The following SPNS2 variants were observed in gnomAD, a reference collection of about 807,000 sequenced individuals.
The protein encoded by SPNS2 is sphingosine-1-phosphate transporter SPNS2.
In SPNS2, 37 loss-of-function variants were observed where a neutral mutation model predicts 57.6. The observed-to-expected ratio is 0.64, with a 90% CI of 0.49 to 0.85. The LOEUF (loss-of-function observed/expected upper bound fraction) is 0.85, where lower values mean the gene tolerates loss of function less well. Ranked by LOEUF, SPNS2 falls within the 40% of genes least tolerant of loss-of-function variation. SPNS2 has a pLI of 0.00. For synonymous variants in SPNS2, 440 were observed against 346.9 expected (o/e 1.27, Z -2.98); for missense variants, 831 against 779.1 (o/e 1.07, Z -0.79).
In SPNS2 at chr17:4,530,727, C is replaced by T; in HGVS notation, c.669C>T (p.Thr223=). 6.2e-7 allele frequency: 1 copy of T among 1,614,084 alleles called. No homozygotes were observed. The highest frequency in any genetic ancestry group is 2.2e-5 in the East Asian group (1 of 44,888). ...IAPTIIGDLF[T]KNTRTLMLSV... ...CCACTATCATTGGCGACCTCTTCACCAAGAACACGCGTACGCTCATGCTGT... is the reference window on the plus strand; with the variant it reads ...CCACTATCATTGGCGACCTCTTCACTAAGAACACGCGTACGCTCATGCTGT... Residue 223 remains threonine (T), a synonymous_variant, in exon 4 of 13, where the codon ACC becomes ACT. Coordinates refer to ENST00000329078, the MANE Select transcript of SPNS2 (RefSeq NM_001124758.3).
intron 3 of SPNS2, among the ~76,000 whole-genome samples, chr17:4,525,817 G>A (rs1350239380): frequency 6.6e-6 from 1 of 152,206 alleles, no homozygotes; most frequent in Non-Finnish European, 1.5e-5. Flanking sequence ...CCCTTGAGAA[G>A]TAGCTGAGCT....
At position 4,512,925 on chromosome 17, in the gene SPNS2, G is replaced by A. The variant is rs144915932; in HGVS notation, c.371-322G>A. On this transcript the variant is annotated intron_variant, in intron 1 of 12. Transcript: ENST00000329078. The surrounding 1 kb of genome is among the most constrained non-coding windows in gnomAD (Gnocchi z 5.2). ...GCCTATGTCTATTGCACTGATCCACGGCCTGGGCCGCAGGTAGGGAAGAGG... is the reference window on the plus strand; with the variant it reads ...GCCTATGTCTATTGCACTGATCCACAGCCTGGGCCGCAGGTAGGGAAGAGG... Among the ~76,000 whole-genome samples, 319 of 152,290 alleles carry A rather than the reference G, an allele frequency of 2.1e-3. No homozygotes were observed. The highest frequency in any genetic ancestry group is 3.5e-3 in the Admixed American group (53 of 15,296).
At position 4,538,003 on chromosome 17, in the gene SPNS2, T is replaced by C. The variant is rs184883269; in HGVS notation, c.*555T>C. On this transcript the variant is annotated 3_prime_UTR_variant, in exon 13 of 13. Coordinates refer to ENST00000329078, the MANE Select transcript of SPNS2 (RefSeq NM_001124758.3). ...AGCTGGGCCTCGGACCTTGGGGATA[T>C]TGGACGCAACCTGGCAAATGAAGCT... 5.7e-6 allele frequency: 2 copies of C among 352,352 alleles called. No individual in the cohort carries two copies. The highest frequency in any genetic ancestry group is 2.1e-5 in the African/African-American group (1 of 46,800). 21.8% of individuals were successfully genotyped at this position (352,352 alleles called of 1,614,324 possible).
At chr17:4,507,052 C>T (rs1019601778) in intron 1 of SPNS2, among the ~76,000 whole-genome samples, 1 of 152,192 alleles carries the variant, frequency 6.6e-6, no homozygotes, top group Non-Finnish European at 1.5e-5. Context: ...CAGGGACTGC[C>T]TTGGCCCAGT....
chr17:4,523,571 CA>C (rs1483152591), intron 2 of SPNS2, among the ~76,000 whole-genome samples: 2 of 152,098 alleles, frequency 1.3e-5, no homozygotes, highest in Non-Finnish European at 1.5e-5. Context: ...AGTTGGAGAC[CA>C]GCCTAGCCAA....
intron 2 of SPNS2, 143 bp downstream of exon 2, chr17:4,513,455 TATTGCCACCTGCCA>T: frequency 1.3e-6 from 1 of 789,556 alleles, no homozygotes; most frequent in Non-Finnish European, 2.0e-6. Context: ...CCAGTCTCAC[TATTGCCACCTGCCA>T]ATGGCACTGC....
Position 4,537,922 on chromosome 17 carries a change from C to T in SPNS2, c.*474C>T, listed in dbSNP as rs555320952. The T allele has an allele frequency of 1.4e-4, 56 of 396,130 alleles. 1 individual carries two copies. Among genetic ancestry groups the T allele is most frequent in the South Asian group, 5.3e-4 (30 of 56,522 alleles). 24.5% of individuals were successfully genotyped at this position (396,130 alleles called of 1,614,324 possible). A position where few individuals can be genotyped will look rare whatever the true frequency, so the allele number is the denominator to read the frequency against. ...AGAGCAGGTGGCCCAGGCCTCAGGG[C>T]GGCAGTCCCGGCTTTGAGGCTCACG... On this transcript the variant is annotated 3_prime_UTR_variant, in exon 13 of 13. Coordinates refer to ENST00000329078, the MANE Select transcript of SPNS2 (RefSeq NM_001124758.3).
In SPNS2 at chr17:4,534,287, G is replaced by T. The variant is rs1342113290; in HGVS notation, c.1344+434G>T. 2.1e-5 allele frequency: 5 copies of T among 233,154 alleles called. No homozygotes were observed. The East Asian group carries it at 4.9e-4, about 23-fold the overall frequency. 14.4% of individuals were successfully genotyped at this position (233,154 alleles called of 1,614,324 possible). A position where few individuals can be genotyped will look rare whatever the true frequency, so the allele number is the denominator to read the frequency against. On this transcript the variant is annotated intron_variant, in intron 9 of 12. Transcript: ENST00000329078. ...GGCTGTCTTCACAGGGCCAACAATG[G>T]GCTCTAGCCCAGCCAGCTGGGGACA...
At chr17:4,532,269 A>C in intron 5 of SPNS2, among the ~76,000 whole-genome samples, 1 of 148,790 alleles carries the variant, frequency 6.7e-6, no homozygotes, top group South Asian at 2.2e-4. Context: ...CCACTCACCC[A>C]CCCCTCCTTC....
chr17:4,536,191 T>C lies in SPNS2; in HGVS notation c.1443+17T>C. The C allele has an allele frequency of 6.2e-7, 1 of 1,608,290 alleles. No homozygotes were observed. Among genetic ancestry groups the C allele is most frequent in the South Asian group, 1.1e-5 (1 of 90,840 alleles). On this transcript the variant is annotated intron_variant, in intron 10 of 12. Transcript: ENST00000329078. Reference sequence around the variant, plus strand: ...ATTGGCTTTGTGAGTAGCCCCGGGGTGGGGCTGGCCAGGGCAGGCTGGGGG... The same window carrying C: ...ATTGGCTTTGTGAGTAGCCCCGGGGCGGGGCTGGCCAGGGCAGGCTGGGGG...
chr17:4,507,370 G>A (rs1484623418), intron 1 of SPNS2, among the ~76,000 whole-genome samples: 5 of 152,232 alleles, frequency 3.3e-5, no homozygotes, highest in African/African-American at 7.2e-5. Flanking sequence ...ATGCCCCATT[G>A]TTCTCAGGTC....
rs1904403414 is a variant in SPNS2, at chr17:4,499,618, C to G, written c.370+201C>G. On this transcript the variant is annotated intron_variant, in intron 1 of 12. Transcript: ENST00000329078. This position sits in a 1 kb window ranked among gnomAD's most constrained non-coding sequence, Gnocchi z 5.2. ...CACGGGTACAATCCAGCTCCCCGCTCATACACACCCGGGGCCAAGGGATAG... is the reference window on the plus strand; with the variant it reads ...CACGGGTACAATCCAGCTCCCCGCTGATACACACCCGGGGCCAAGGGATAG... 1 of 406,014 alleles carries G rather than the reference C, an allele frequency of 2.5e-6. No homozygotes were observed. Among genetic ancestry groups the G allele is most frequent in the Non-Finnish European group, 4.3e-6 (1 of 230,744 alleles). The allele number at this position is 406,014 out of a possible 1,614,324, so 25.2% of individuals were successfully genotyped here.
At chr17:4,533,741 T>C (rs745545632) in intron 8 of SPNS2, 47 bp from the exon 9 acceptor site, 8 of 1,605,520 alleles carry the variant, frequency 5.0e-6, no homozygotes, top group Non-Finnish European at 6.0e-6. Flanking sequence ...CTGTGGTTGC[T>C]GCGGATGGAG....
intron 2 of SPNS2, among the ~76,000 whole-genome samples, chr17:4,521,697 G>A (rs1374540874): frequency 6.6e-6 from 1 of 152,240 alleles, no homozygotes; most frequent in Non-Finnish European, 1.5e-5. Flanking sequence ...TTAGAAACAA[G>A]GTAATAACTA....
chr17:4,531,591 G>C (rs913519651), intron 5 of SPNS2, among the ~76,000 whole-genome samples: 2 of 152,156 alleles, frequency 1.3e-5, no homozygotes, highest in Non-Finnish European at 2.9e-5. Context: ...GGAGGAAACA[G>C]AGATCCCTCG....
chr17:4,522,619 C>T (rs1214156356), intron 2 of SPNS2, among the ~76,000 whole-genome samples: 1 of 152,214 alleles, frequency 6.6e-6, no homozygotes, highest in African/African-American at 2.4e-5. Context: ...TCGCCAGGGT[C>T]TCAGGCCCAC....
Position 4,537,579 on chromosome 17 carries a change from G to A in SPNS2, c.*131G>A, listed in dbSNP as rs1455966727. 1.1e-5 allele frequency: 5 copies of A among 456,772 alleles called. No homozygotes were observed. The Admixed American group carries it at 1.2e-4, about 11-fold the overall frequency. 28.3% of individuals were successfully genotyped at this position (456,772 alleles called of 1,614,324 possible). On this transcript the variant is annotated 3_prime_UTR_variant, in exon 13 of 13. Transcript: ENST00000329078. The stretch of plus-strand genomic sequence containing the variant: ...CACGGCTAGGCACCCACCCTCTCTG[G>A]CCCAGGCCTGCTGAGTGGCCCTGGC...
intron 5 of SPNS2, among the ~76,000 whole-genome samples, chr17:4,531,755 C>G (rs568626910): frequency 2.0e-5 from 3 of 151,914 alleles, no homozygotes; most frequent in African/African-American, 7.3e-5. Context: ...CTCCCAGTCC[C>G]GGGGGCATGG....
At position 4,525,200 on chromosome 17, in the gene SPNS2, C is replaced by T. The variant is rs1175814254; in HGVS notation, c.573+7C>T. ...CTCCTTCATTCCCCAGCAGGTGAGG[C>T]CCGGCTCGGCTTCTCCCCGACCCCT... is the stretch of plus-strand genomic sequence containing the variant. On this transcript the variant is annotated splice_region_variant and intron_variant, in intron 3 of 12. Transcript: ENST00000329078. 1.2e-6 allele frequency: 2 copies of T among 1,613,712 alleles called. No homozygotes were observed. The highest frequency in any genetic ancestry group is 2.2e-5 in the East Asian group (1 of 44,884).
Sources: gnomAD v4.1 joint callset for allele counts (sites outside exome capture counted in the v4.1 genomes callset) on GRCh38, gnomAD v4.1.1 for gene constraint, Gnocchi (gnomAD v3.1) non-coding constraint, MANE v1.5 for transcripts, NCBI Gene and HGNC (gene_info 2026-07-23, HGNC 2026-07-21) for gene names.